Variants in USP40 observed in about 807,000 individuals in gnomAD.
USP40 encodes the protein ubiquitin carboxyl-terminal hydrolase 40.
Under a neutral mutation model 166.2 loss-of-function variants are expected in USP40, and 143 were observed. That is an observed-to-expected ratio of 0.86 (90% CI 0.75 to 0.99). USP40 has a LOEUF of 0.99. Ranked by LOEUF, USP40 falls within the 50% of genes least tolerant of loss-of-function variation. The pLI is 0.00. For synonymous variants in USP40, 498 were observed against 524.0 expected, an observed-to-expected ratio of 0.95 and a Z score of 0.68; for missense variants, 1,444 against 1,479.7, an observed-to-expected ratio of 0.98 and a Z score of 0.40.
At position 233,519,531 on chromosome 2, in the gene USP40, T is replaced by C. The variant is rs562620652; in HGVS notation, c.2383+83A>G. 65 of 888,456 alleles carry C rather than the reference T, an allele frequency of 7.3e-5. No individual in the cohort carries two copies. In the African/African-American group the frequency reaches 1.0e-3, roughly 14 times the overall value. The allele number at this position is 888,456 out of a possible 1,614,324, so 55.0% of individuals were successfully genotyped here. On this transcript the variant is annotated intron_variant, in intron 18 of 31. Transcript: ENST00000678225. ...GGTATGTGAGTTCTCCCTAAACTGT[T>C]TTTTGTATTCTCCTATATTTTCTTC...
Position 233,523,250 on chromosome 2 carries a change from T to C in USP40, c.2121A>G (p.Glu707=), listed in dbSNP as rs1202270597. ...GCTCCCTGAACGTCTTCCTCATGTCTTCCTTGGGGATGGCCGTCCAACCCT... is the reference window on the plus strand; with the variant it reads ...GCTCCCTGAACGTCTTCCTCATGTCCTCCTTGGGGATGGCCGTCCAACCCT... ...GGEGWTAIPK[E]DMRKTFREQG... is the part of the protein sequence containing the mutation. Residue 707 remains glutamate (E), a synonymous_variant, in exon 16 of 32, where the codon GAA becomes GAG. Transcript: ENST00000678225. 3 of 1,614,034 alleles carry C rather than the reference T, an allele frequency of 1.9e-6. No homozygotes were observed. Among genetic ancestry groups the C allele is most frequent in the Non-Finnish European group, 2.5e-6 (3 of 1,179,878 alleles).
In USP40 at chr2:233,501,792, G is replaced by A. The variant is rs560053353; in HGVS notation, c.2614-1877C>T. ...TTATGTTTCAGGGAGAATAAGAAGAGCTTTACTGTGAATATGTTCTAGGTT... is the reference window on the plus strand; with the variant it reads ...TTATGTTTCAGGGAGAATAAGAAGAACTTTACTGTGAATATGTTCTAGGTT... On this transcript the variant is annotated intron_variant, in intron 21 of 31. Transcript: ENST00000678225. Among the ~76,000 whole-genome samples, 5 of 152,328 alleles carry A rather than the reference G, an allele frequency of 3.3e-5. No individual in the cohort carries two copies. In the East Asian group the frequency reaches 7.7e-4, roughly 23 times the overall value.
At chr2:233,523,591 C>A in intron 15 of USP40, 102 bp from the exon 16 acceptor site, 4 of 1,139,492 alleles carry the variant, frequency 3.5e-6, no homozygotes, top group South Asian at 1.9e-5. Flanking sequence ...CTCATTTTTT[C>A]CAAGTAAAAT....
chr2:233,563,360 A>ACC (rs770592226), intron 2 of USP40, among the ~76,000 whole-genome samples: 11 of 152,264 alleles, frequency 7.2e-5, no homozygotes, highest in Non-Finnish European at 1.3e-4. Flanking sequence ...GTGATGTGCC[A>ACC]CCCAATGGGG....
At chr2:233,487,070 G>A (rs1478254622) in intron 28 of USP40, among the ~76,000 whole-genome samples, 1 of 152,218 alleles carries the variant, frequency 6.6e-6, no homozygotes, top group African/African-American at 2.4e-5. Flanking sequence ...AAGGCACTGT[G>A]CCTATCAAAA....
intron 5 of USP40, among the ~76,000 whole-genome samples, chr2:233,555,131 C>T (rs376032732): frequency 2.2e-4 from 33 of 151,786 alleles, no homozygotes; most frequent in African/African-American, 6.8e-4. Flanking sequence ...AGGCGGAGGT[C>T]GCAGTGAGCC....
At chr2:233,543,789 T>C (rs544432846) in intron 8 of USP40, among the ~76,000 whole-genome samples, 1 of 152,192 alleles carries the variant, frequency 6.6e-6, no homozygotes, top group South Asian at 2.1e-4. Flanking sequence ...AGCCTAAGTG[T>C]TGTGATAGAG....
intron 10 of USP40, among the ~76,000 whole-genome samples, chr2:233,537,401 G>A (rs1342889006): frequency 6.6e-6 from 1 of 151,834 alleles, no homozygotes; most frequent in African/African-American, 2.4e-5. Context: ...AGAAATTGAA[G>A]AAATAATGGC....
intron 2 of USP40, among the ~76,000 whole-genome samples, chr2:233,564,708 ATATATATATAAAAT>A (rs2071976488): frequency 1.3e-5 from 2 of 152,090 alleles, no homozygotes; most frequent in African/African-American, 4.8e-5. Context: ...AGTGTTTTTT[ATATATATATAAAAT>A]GTTACATTCC....
intron 30 of USP40, among the ~76,000 whole-genome samples, chr2:233,485,114 T>G (rs949900345): frequency 6.6e-6 from 1 of 152,210 alleles, no homozygotes; most frequent in African/African-American, 2.4e-5. Flanking sequence ...AAGTTTTATT[T>G]TATGCTTTTT....
intron 16 of USP40, 53 bp from the exon 17 acceptor site, chr2:233,521,167 T>C: frequency 1.9e-6 from 3 of 1,557,832 alleles, no homozygotes; most frequent in Non-Finnish European, 1.7e-6. Context: ...AGGCATCACT[T>C]CCAAAACTCT....
intron 22 of USP40, among the ~76,000 whole-genome samples, chr2:233,499,479 T>C (rs1327981567): frequency 6.6e-6 from 1 of 152,232 alleles, no homozygotes; most frequent in Non-Finnish European, 1.5e-5. Context: ...TACATGTGCA[T>C]GTATCTTTAT....
chr2:233,556,299 C>A (rs1260013117), intron 5 of USP40, among the ~76,000 whole-genome samples: 1 of 151,748 alleles, frequency 6.6e-6, no homozygotes, highest in Non-Finnish European at 1.5e-5. Context: ...TTTCTAATTT[C>A]CAATTAGATT....
At chr2:233,479,561 C>CA (rs1295940321) in intron 31 of USP40, among the ~76,000 whole-genome samples, 1,874 of 96,212 alleles carry the variant, frequency 0.019, 42 homozygotes, top group Admixed American at 0.057. Flanking sequence ...GACTCCGTCG[C>CA]AAAAAAAAAA....
Position 233,476,966 on chromosome 2 carries a change from C to T in USP40, c.*426G>A, listed in dbSNP as rs1443568739. On this transcript the variant is annotated 3_prime_UTR_variant, in exon 32 of 32. Transcript: ENST00000678225. ...AGTGGCCTGAGACACTGTGAGAAGC[C>T]GGTCAGGGCGAACGAGAGTCATCTG... 2 of 298,452 alleles carry T rather than the reference C, an allele frequency of 6.7e-6. No individual in the cohort carries two copies. The highest frequency in any genetic ancestry group is 3.1e-5 in the South Asian group (1 of 32,288). 18.5% of individuals were successfully genotyped at this position (298,452 alleles called of 1,614,324 possible).
intron 15 of USP40, 58 bp downstream of exon 15, chr2:233,524,434 C>A: frequency 6.7e-7 from 1 of 1,494,022 alleles, no homozygotes; most frequent in Non-Finnish European, 9.1e-7. Context: ...CCGGCCATTA[C>A]GATGACTTTT....
intron 21 of USP40, among the ~76,000 whole-genome samples, 152 bp downstream of exon 21, chr2:233,509,897 A>G (rs1482290636): frequency 1.3e-5 from 2 of 151,938 alleles, no homozygotes; most frequent in Admixed American, 6.6e-5. Context: ...AGCTCCCAAA[A>G]TAATTCCTCT....
At chr2:233,546,816 A>C (rs1298045549) in intron 8 of USP40, 1 of 152,226 alleles carries the variant, frequency 6.6e-6, no homozygotes, top group Non-Finnish European at 1.5e-5. Flanking sequence ...TTTCTTAAGG[A>C]TTCTCTACTG....
chr2:233,521,926 T>C (rs1273361778), intron 16 of USP40, among the ~76,000 whole-genome samples: 1 of 152,204 alleles, frequency 6.6e-6, no homozygotes, highest in Non-Finnish European at 1.5e-5. Flanking sequence ...TGTGTGTACT[T>C]TGTAAGCACT....
Sources: allele counts gnomAD v4.1 joint callset (sites outside exome capture counted in the v4.1 genomes callset), GRCh38; gene constraint gnomAD v4.1.1; transcripts MANE v1.5; gene names NCBI Gene and HGNC (gene_info 2026-07-23, HGNC 2026-07-21).